COLGALT2: variants seen among roughly 807,000 people sequenced by gnomAD.
COLGALT2 encodes the protein collagen beta(1-O)galactosyltransferase 2, also known as procollagen galactosyltransferase 2.
Under a neutral mutation model 73.4 loss-of-function variants are expected in COLGALT2, and 49 were observed. The observed-to-expected ratio is 0.67, with a 90% CI of 0.53 to 0.85. COLGALT2 has a LOEUF of 0.85. Among genes scored for constraint, COLGALT2 ranks in the 40% least tolerant of loss-of-function variants. The pLI is 0.00. For missense variants in COLGALT2, 722 were observed against 790.2 expected (o/e 0.91, Z 1.03); for synonymous variants, 295 against 307.6 (o/e 0.96, Z 0.43).
At chr1:184,032,134 T>G (rs1414467566) in intron 1 of COLGALT2, among the ~76,000 whole-genome samples, 1 of 152,028 alleles carries the variant, frequency 6.6e-6, no homozygotes, top group Non-Finnish European at 1.5e-5. Flanking sequence ...GCTTAAGAAA[T>G]CTGCCCACCT....
chr1:183,945,314 C>A, intron 9 of COLGALT2, 118 bp downstream of exon 9: 2 of 1,222,752 alleles, frequency 1.6e-6, no homozygotes, highest in Non-Finnish European at 2.3e-6. Flanking sequence ...GAGCAGCTCT[C>A]ATGCACATTT....
At chr1:184,009,851 T>C (rs1385983563) in intron 1 of COLGALT2, among the ~76,000 whole-genome samples, 2 of 152,242 alleles carry the variant, frequency 1.3e-5, no homozygotes, top group East Asian at 3.8e-4. Context: ...TATTCTACTT[T>C]TGCTTGTGTT....
At chr1:184,031,817 A>ATCCTTCCTTCCTTCCTTCCTTCCTTCCT (rs57492822) in intron 1 of COLGALT2, among the ~76,000 whole-genome samples, 25 of 139,190 alleles carry the variant, frequency 1.8e-4, no homozygotes, top group Non-Finnish European at 2.5e-4. Context: ...CCATGAATGT[A>ATCCTTCCTTCCTTCCTTCCTTCCTTCCT]TCCTTCCTTC....
chr1:183,978,667 C>G (rs1293176328), intron 1 of COLGALT2, 147 bp from the exon 2 acceptor site: 2 of 549,498 alleles, frequency 3.6e-6, no homozygotes, highest in South Asian at 2.6e-5. Flanking sequence ...ATAGTCCAAA[C>G]TAGACAATAA....
At chr1:184,008,763 A>G (rs1672158724) in intron 1 of COLGALT2, among the ~76,000 whole-genome samples, 1 of 152,186 alleles carries the variant, frequency 6.6e-6, no homozygotes, top group African/African-American at 2.4e-5. Context: ...AAACTTCCCG[A>G]ATATGATAAC....
intron 1 of COLGALT2, 54 bp downstream of exon 1, chr1:184,037,041 G>T: frequency 1.5e-6 from 2 of 1,362,452 alleles, no homozygotes; most frequent in South Asian, 1.7e-5. Context: ...TGTCCGCGCT[G>T]GGCAGGCCGC....
chr1:184,024,094 T>G (rs1649256864), intron 1 of COLGALT2, among the ~76,000 whole-genome samples: 1 of 151,878 alleles, frequency 6.6e-6, no homozygotes, highest in Non-Finnish European at 1.5e-5. Context: ...ATAGCGTGAG[T>G]TGTTTCATTT....
At chr1:183,956,752 C>T (rs1172099056) in intron 6 of COLGALT2, among the ~76,000 whole-genome samples, 2 of 152,136 alleles carry the variant, frequency 1.3e-5, no homozygotes, top group Non-Finnish European at 2.9e-5. Flanking sequence ...AAAAAAAAGC[C>T]ACAAGTGGTT....
chr1:183,986,991 A>T (rs1258686345), intron 1 of COLGALT2, among the ~76,000 whole-genome samples: 2 of 152,188 alleles, frequency 1.3e-5, no homozygotes. Flanking sequence ...CTTGTCAAGG[A>T]TATGAATCAA....
At chr1:183,965,281 C>T (rs1193925478) in intron 5 of COLGALT2, among the ~76,000 whole-genome samples, 1 of 152,168 alleles carries the variant, frequency 6.6e-6, no homozygotes, top group Non-Finnish European at 1.5e-5. Context: ...CATCTCTACC[C>T]TAATTAGGCA....
chr1:183,982,300 G>A (rs1181703554), intron 1 of COLGALT2, among the ~76,000 whole-genome samples: 2 of 152,148 alleles, frequency 1.3e-5, no homozygotes, highest in African/African-American at 2.4e-5. Context: ...AGAAAGCAAC[G>A]TGGAAGAAGG....
At chr1:183,934,518 C>T (rs1669908415), downstream of COLGALT2, among the ~76,000 whole-genome samples, 1 of 152,204 alleles carries the variant, frequency 6.6e-6, no homozygotes, top group Admixed American at 6.5e-5. Context: ...AAGCTGTCTA[C>T]TCTTAGTTTT....
At chr1:183,945,736 ATGAG>A in intron 8 of COLGALT2, 172 bp from the exon 9 acceptor site, 1 of 700,182 alleles carries the variant, frequency 1.4e-6, no homozygotes, top group Non-Finnish European at 2.3e-6. Flanking sequence ...CACTAGTATT[ATGAG>A]GTCTGGGAAG....
chr1:183,987,475 C>T (rs1047736005), intron 1 of COLGALT2, among the ~76,000 whole-genome samples: 5 of 152,246 alleles, frequency 3.3e-5, no homozygotes, highest in Non-Finnish European at 7.3e-5. Context: ...TTAGATTGGA[C>T]ACCCTCTATC....
At chr1:184,015,599 C>T (rs555549906) in intron 1 of COLGALT2, among the ~76,000 whole-genome samples, 2 of 152,348 alleles carry the variant, frequency 1.3e-5, no homozygotes, top group East Asian at 3.9e-4. Context: ...CTGTTGTGCT[C>T]ACTCTCCCTG....
chr1:184,034,024 G>A (rs116264980), intron 1 of COLGALT2, among the ~76,000 whole-genome samples: 2,109 of 152,240 alleles, frequency 0.014, 51 homozygotes, highest in African/African-American at 0.046. Context: ...ATAGAGCTTG[G>A]GAATGAGAAA....
downstream of COLGALT2, among the ~76,000 whole-genome samples, chr1:183,934,080 G>C (rs1572622173): frequency 6.6e-6 from 1 of 152,104 alleles, no homozygotes; most frequent in South Asian, 2.1e-4. Flanking sequence ...GAGCAGAAAG[G>C]AAGCCACTCT....
chr1:183,963,765 CA>C (rs1670786696), intron 6 of COLGALT2, 135 bp downstream of exon 6: 7 of 953,084 alleles, frequency 7.3e-6, no homozygotes, highest in Non-Finnish European at 1.0e-5. Context: ...AAAGAATGAA[CA>C]AATAAATAGC....
intron 5 of COLGALT2, chr1:183,964,308 T>C: frequency 2.5e-6 from 1 of 398,288 alleles, no homozygotes; most frequent in Non-Finnish European, 4.4e-6. Context: ...AAAAAAGGCA[T>C]GAAAGGATCA....
Sources: gnomAD v4.1 joint callset for allele counts (sites outside exome capture counted in the v4.1 genomes callset) on GRCh38, gnomAD v4.1.1 for gene constraint, MANE v1.5 for transcripts, NCBI Gene and HGNC (gene_info 2026-07-23, HGNC 2026-07-21) for gene names.